The following FSTL5 variants were observed in gnomAD, a reference collection of about 807,000 sequenced individuals.
FSTL5 encodes the protein follistatin-related protein 5.
FSTL5 carries 62 observed loss-of-function variants against 89.1 expected under a neutral mutation model. That is an observed-to-expected ratio of 0.70 (90% CI 0.57 to 0.86). The LOEUF (loss-of-function observed/expected upper bound fraction) is 0.86, where lower values mean the gene tolerates loss of function less well. Ranked by LOEUF, FSTL5 falls within the 40% of genes least tolerant of loss-of-function variation. FSTL5 has a pLI of 0.00. For missense variants in FSTL5, 1,057 were observed against 1,001.6 expected (o/e 1.06, Z -0.75); for synonymous variants, 383 against 346.2 (o/e 1.11, Z -1.18).
intron 6 of FSTL5, among the ~76,000 whole-genome samples, chr4:161,701,120 T>C (rs2126729798): frequency 6.6e-6 from 1 of 152,330 alleles, no homozygotes; most frequent in Middle Eastern, 3.4e-3. Flanking sequence ...ATTCTTTTTG[T>C]CCCTTTGGAA....
intron 3 of FSTL5, among the ~76,000 whole-genome samples, chr4:162,026,304 C>CTTTTTTTTTTTTCTTTTTTTTTTT (rs1737283825): frequency 3.8e-5 from 3 of 79,472 alleles, no homozygotes; most frequent in South Asian, 5.4e-4. Context: ...TATGTATTTT[C>CTTTTTTTTTTTTCTTTTTTTTTTT]TTTTTTTTTT....
chr4:162,156,450 C>T (rs78987956), intron 1 of FSTL5, among the ~76,000 whole-genome samples: 20,983 of 152,174 alleles, frequency 0.14, 1,974 homozygotes, highest in Non-Finnish European at 0.19. Flanking sequence ...CTTGCATGCT[C>T]ATTGCAGCAC....
In FSTL5 at chr4:162,161,720, A is replaced by G. The variant is rs146443947; in HGVS notation, c.-17+1895T>C. On this transcript the variant is annotated intron_variant, in intron 1 of 15. Transcript: ENST00000306100. Reference sequence around the variant, plus strand: ...CATTTTGAGTAAATATAATGTTTATATATAGTATGCCTTTCAAATAAGTTA... The same window carrying G: ...CATTTTGAGTAAATATAATGTTTATGTATAGTATGCCTTTCAAATAAGTTA... Among the ~76,000 whole-genome samples the G allele has an allele frequency of 2.2e-3, 342 of 152,124 alleles. 1 individual carries two copies. The highest frequency in any genetic ancestry group is 7.6e-3 in the African/African-American group (316 of 41,558).
At chr4:161,435,739 C>G (rs111538233) in intron 15 of FSTL5, among the ~76,000 whole-genome samples, 4 of 150,884 alleles carry the variant, frequency 2.7e-5, no homozygotes, top group Non-Finnish European at 1.5e-5. Context: ...AACATATTCA[C>G]AAAAATTAAA....
At chr4:161,791,611 T>C (rs1729480192) in intron 4 of FSTL5, among the ~76,000 whole-genome samples, 1 of 152,138 alleles carries the variant, frequency 6.6e-6, no homozygotes, top group Non-Finnish European at 1.5e-5. Context: ...TGGGTCACAG[T>C]CTTTGGACCT....
chr4:161,443,579 T>C (rs1406202515), intron 15 of FSTL5, among the ~76,000 whole-genome samples: 2 of 151,930 alleles, frequency 1.3e-5, no homozygotes, highest in East Asian at 3.9e-4. Flanking sequence ...GTCTGGTATT[T>C]GAAAAGTTGG....
rs1179942709 is a variant in FSTL5, at chr4:161,759,482, T to C, written c.656A>G (p.Tyr219Cys). The C allele has an allele frequency of 1.9e-6, 3 of 1,592,436 alleles. No individual in the cohort carries two copies. Among genetic ancestry groups the C allele is most frequent in the Non-Finnish European group, 2.6e-6 (3 of 1,168,844 alleles). The change falls in exon 6 of 16, where the codon TAT becomes TGT. Residue 219 changes from tyrosine (Y) to cysteine (C), a missense_variant. Physicochemically the swap from Tyr to Cys is radical, Grantham distance 194. Around this residue, in one of 3 missense-constraint regions of FSTL5, gnomAD observed 980 missense variants for 903.2 expected, o/e 1.08. Coordinates refer to ENST00000306100, the MANE Select transcript of FSTL5 (RefSeq NM_020116.5). ...LGKDLFDCTLYVLLKYDDFNA... is the reference protein window; with the variant it reads ...LGKDLFDCTLCVLLKYDDFNA... ...AAAATCATCATATTTCAATAGAACA[T>C]ACAAAGTACAATCAAAGAGATCCTT... is the stretch of plus-strand genomic sequence containing the variant.
intron 3 of FSTL5, among the ~76,000 whole-genome samples, chr4:161,922,074 A>T (rs939336087): frequency 2.2e-4 from 33 of 152,094 alleles, no homozygotes; most frequent in African/African-American, 8.0e-4. Context: ...AATTAAAATT[A>T]CACAAAAAGA....
chr4:161,914,346 T>C (rs560844193), intron 4 of FSTL5, among the ~76,000 whole-genome samples: 33 of 152,294 alleles, frequency 2.2e-4, no homozygotes, highest in East Asian at 1.9e-3. Flanking sequence ...GTCTAAGGAT[T>C]TGAATGTTAA....
chr4:161,809,763 A>G (rs986632615), intron 4 of FSTL5, among the ~76,000 whole-genome samples: 1 of 152,246 alleles, frequency 6.6e-6, no homozygotes, highest in Non-Finnish European at 1.5e-5. Flanking sequence ...ACAATTATAT[A>G]ACCTACCAAG....
intron 7 of FSTL5, among the ~76,000 whole-genome samples, chr4:161,596,681 G>A (rs376766976): frequency 1.6e-4 from 25 of 152,196 alleles, no homozygotes; most frequent in African/African-American, 6.0e-4. Context: ...GTTCTAAATG[G>A]TTGTTGAGGA....
intron 3 of FSTL5, among the ~76,000 whole-genome samples, chr4:161,991,242 A>G (rs1393495172): frequency 6.6e-6 from 1 of 152,200 alleles, no homozygotes; most frequent in Non-Finnish European, 1.5e-5. Flanking sequence ...AATTGGTGTC[A>G]TTTCATACGA....
At chr4:161,440,448 G>A (rs577784006) in intron 15 of FSTL5, among the ~76,000 whole-genome samples, 2 of 152,082 alleles carry the variant, frequency 1.3e-5, no homozygotes, top group African/African-American at 2.4e-5. Flanking sequence ...CATAAATTTT[G>A]TGATATCTCC....
chr4:161,886,707 C>T (rs536993820), intron 4 of FSTL5, among the ~76,000 whole-genome samples: 2 of 152,064 alleles, frequency 1.3e-5, no homozygotes, highest in Non-Finnish European at 2.9e-5. Context: ...ATTCATTTAT[C>T]AGAAAGCTTA....
chr4:161,779,146 A>G (rs1335008563), intron 4 of FSTL5, among the ~76,000 whole-genome samples: 1 of 152,150 alleles, frequency 6.6e-6, no homozygotes, highest in Non-Finnish European at 1.5e-5. Flanking sequence ...GCCCCACTCA[A>G]ATTTTGATCT....
At chr4:161,984,959 C>CT (rs760714876) in intron 3 of FSTL5, among the ~76,000 whole-genome samples, 226 of 141,750 alleles carry the variant, frequency 1.6e-3, no homozygotes, top group Middle Eastern at 3.7e-3. Flanking sequence ...TATCTGAATA[C>CT]TTTTTTTTTT....
chr4:162,066,607 C>T (rs1279593220), intron 2 of FSTL5, among the ~76,000 whole-genome samples: 4 of 145,142 alleles, frequency 2.8e-5, no homozygotes, highest in African/African-American at 1.0e-4. Context: ...TGACAGGCCC[C>T]GATGTGTGAT....
At chr4:161,533,821 C>T (rs1731503494) in intron 10 of FSTL5, among the ~76,000 whole-genome samples, 1 of 151,748 alleles carries the variant, frequency 6.6e-6, no homozygotes, top group South Asian at 2.1e-4. Context: ...AACATAGATG[C>T]AAAAATCCTC....
chr4:161,868,457 G>A (rs1047229444), intron 4 of FSTL5, among the ~76,000 whole-genome samples: 10 of 152,076 alleles, frequency 6.6e-5, no homozygotes, highest in East Asian at 1.9e-4. Context: ...GTTTAGGTGC[G>A]TGTCTTTCAC....
Sources: gnomAD v4.1 joint callset for allele counts (sites outside exome capture counted in the v4.1 genomes callset) on GRCh38, gnomAD v4.1.1 for gene constraint, gnomAD v4.1.1 regional missense constraint, MANE v1.5 for transcripts, NCBI Gene and HGNC (gene_info 2026-07-23, HGNC 2026-07-21) for gene names.